The following MYO7B variants were observed in gnomAD, a reference collection of about 807,000 sequenced individuals.
The protein encoded by MYO7B is unconventional myosin-VIIb.
Under a neutral mutation model 259.7 loss-of-function variants are expected in MYO7B, and 212 were observed. That is an observed-to-expected ratio of 0.82 (90% CI 0.73 to 0.91). The LOEUF is 0.91. Among genes scored for constraint, MYO7B ranks in the 40% least tolerant of loss-of-function variants. MYO7B has a pLI of 0.00. For missense variants in MYO7B, 2,732 were observed against 2,813.5 expected, an observed-to-expected ratio of 0.97 and a Z score of 0.66; for synonymous variants, 1,197 against 1,166.4, an observed-to-expected ratio of 1.03 and a Z score of -0.54.
In MYO7B at chr2:127,627,444, G is replaced by A. The variant is rs767721605; in HGVS notation, c.4460+134G>A. The A allele has an allele frequency of 2.7e-5, 33 of 1,218,550 alleles. 1 individual carries two copies. The highest frequency in any genetic ancestry group is 2.0e-4 in the South Asian group (15 of 74,904). 75.5% of individuals were successfully genotyped at this position (1,218,550 alleles called of 1,614,324 possible). A position where few individuals can be genotyped will look rare whatever the true frequency, so the allele number is the denominator to read the frequency against. ...CCGGGGTGGAGGGACAAGAATCTAC[G>A]TATGCGATGGCTTCTGTACTTCGGA... On this transcript the variant is annotated intron_variant, in intron 33 of 47. Transcript: ENST00000409816. This position sits in a 1 kb window ranked among gnomAD's most constrained non-coding sequence, Gnocchi z 5.6.
At chr2:127,617,383 C>T (rs1405403626) in intron 26 of MYO7B, among the ~76,000 whole-genome samples, 1 of 151,916 alleles carries the variant, frequency 6.6e-6, no homozygotes, top group Non-Finnish European at 1.5e-5. Context: ...AATTCTTCCC[C>T]ATGTTACCCT....
rs751565033 is a variant in MYO7B at position 127,565,473 on chromosome 2, C to A, written c.285+88C>A. ...GGAGAAGAAAATGATGCACAGGGGG[C>A]ACTGCCCCCCATGCCCTCACTGAGG... On this transcript the variant is annotated intron_variant, in intron 4 of 47. Transcript: ENST00000409816. 1.4e-5 allele frequency: 21 copies of A among 1,523,592 alleles called. 1 individual carries two copies. Among genetic ancestry groups the A allele is most frequent in the Non-Finnish European group, 1.8e-5 (20 of 1,118,276 alleles). 94.4% of individuals were successfully genotyped at this position (1,523,592 alleles called of 1,614,324 possible). A position where few individuals can be genotyped will look rare whatever the true frequency, so the allele number is the denominator to read the frequency against.
intron 1 of MYO7B, among the ~76,000 whole-genome samples, chr2:127,556,096 T>G (rs779942780): frequency 6.6e-6 from 1 of 152,252 alleles, no homozygotes; most frequent in Non-Finnish European, 1.5e-5. Flanking sequence ...GGTGCATGTA[T>G]ATTTAGGATT....
intron 4 of MYO7B, 72 bp from the exon 5 acceptor site, chr2:127,566,565 AGCCAAG>A (rs879596782): frequency 1.2e-5 from 16 of 1,390,952 alleles, no homozygotes; most frequent in Admixed American, 2.7e-5. Flanking sequence ...GCAGAGCCAG[AGCCAAG>A]GCCAAGGCCA....
intron 18 of MYO7B, among the ~76,000 whole-genome samples, chr2:127,595,124 G>A (rs1265417911): frequency 2.0e-5 from 3 of 152,050 alleles, no homozygotes. Context: ...TCATTGGTAG[G>A]CTATTATTGC....
At chr2:127,561,111 G>A (rs2104850570) in intron 2 of MYO7B, among the ~76,000 whole-genome samples, 1 of 152,218 alleles carries the variant, frequency 6.6e-6, no homozygotes, top group East Asian at 1.9e-4. Context: ...ATTTCACAAA[G>A]GAATATGCCA....
chr2:127,568,044 G>A (rs949713039), intron 5 of MYO7B, among the ~76,000 whole-genome samples: 1 of 152,190 alleles, frequency 6.6e-6, no homozygotes, highest in Non-Finnish European at 1.5e-5. Flanking sequence ...TTATTCCCAT[G>A]ATATGGTCTC....
In MYO7B at chr2:127,620,414, T is replaced by C; in HGVS notation, c.3473T>C (p.Ile1158Thr). 6.4e-7 allele frequency: 1 copy of C among 1,565,178 alleles called. No homozygotes were observed. The highest frequency in any genetic ancestry group is 8.7e-7 in the Non-Finnish European group (1 of 1,149,760). ...ACAAGCAGCCTGGCCCGGGGCTGGA[T>C]CCTGCTCAGCCTCTGCCTCGGCTGC... is the stretch of plus-strand genomic sequence containing the variant. ...FKTSSLARGW[I>T]LLSLCLGCFP... The change falls in exon 27 of 48, where the codon ATC (isoleucine) becomes ACC (threonine). Residue 1158 changes from isoleucine to threonine, a missense_variant. Around this residue, in one of 3 missense-constraint regions of MYO7B, gnomAD observed 1,906 missense variants for 2,026.4 expected, o/e 0.94. Transcript: ENST00000409816.
chr2:127,634,254 G>A lies in MYO7B; in HGVS notation c.5590G>A (p.Glu1864Lys). ...CACCAGGCTGCAGCTGGCCTCCTGG[G>A]AGGGCTGCAGCCTCTTCATCAAGAT... ...IATRLQLASW[E>K]GCSLFIKISD... Residue 1864 changes from glutamate to lysine, a missense_variant, in exon 41 of 48, where the codon GAG becomes AAG. Physicochemically the swap from Glu to Lys is moderately conservative, Grantham distance 56. This residue lies in a region of MYO7B where 821 missense variants were observed against 769.3 expected (regional missense o/e 1.07). Transcript: ENST00000409816. 6.3e-7 allele frequency: 1 copy of A among 1,593,204 alleles called. No homozygotes were observed. The highest frequency in any genetic ancestry group is 2.2e-5 in the East Asian group (1 of 44,576).
chr2:127,583,543 G>A (rs1023220426), intron 12 of MYO7B, among the ~76,000 whole-genome samples: 4 of 152,236 alleles, frequency 2.6e-5, no homozygotes, highest in Admixed American at 1.3e-4. Context: ...GCAACTGATG[G>A]GAACTGGAGA....
intron 37 of MYO7B, 52 bp from the exon 38 acceptor site, chr2:127,631,546 CCA>C (rs1423156074): frequency 4.4e-6 from 7 of 1,592,798 alleles, no homozygotes; most frequent in Non-Finnish European, 5.1e-6. Context: ...GCGTCTATCC[CCA>C]GTCTGTGTCA....
chr2:127,622,375 G>A (rs79912355), intron 28 of MYO7B, among the ~76,000 whole-genome samples: 1,916 of 152,218 alleles, frequency 0.013, 45 homozygotes, highest in African/African-American at 0.044. Flanking sequence ...ATTACAGTGC[G>A]CCAGTTGCTT....
chr2:127,596,979 G>C (rs10187468), intron 19 of MYO7B, among the ~76,000 whole-genome samples: 3 of 152,230 alleles, frequency 2.0e-5, no homozygotes, highest in Non-Finnish European at 4.4e-5. Context: ...GATCAGCAGC[G>C]CTGCTGCCTT....
At chr2:127,596,660 C>T (rs1679781757) in intron 19 of MYO7B, 104 bp downstream of exon 19, 1 of 936,646 alleles carries the variant, frequency 1.1e-6, no homozygotes, top group Non-Finnish European at 1.7e-6. Context: ...GCTGGGCCCT[C>T]CCTGGGGTTA....
Position 127,624,237 on chromosome 2 carries a change from T to C in MYO7B, c.3964T>C (p.Ser1322Pro), listed in dbSNP as rs777978057. ...GGAATTCTTCACCCCCTGGCACGAC[T>C]CCCGGGAGGACCCTGTCAGCACCGA... ...RKEFFTPWHD[S>P]REDPVSTELI... The change falls in exon 30 of 48, where the codon TCC becomes CCC. Residue 1322 changes from serine to proline, a missense_variant. Around this residue, in one of 3 missense-constraint regions of MYO7B, gnomAD observed 1,906 missense variants for 2,026.4 expected, o/e 0.94. Transcript: ENST00000409816. The C allele has an allele frequency of 8.8e-6, 14 of 1,596,526 alleles. No individual in the cohort carries two copies.
At chr2:127,544,771 G>A (rs1324564218) in intron 1 of MYO7B, among the ~76,000 whole-genome samples, 3 of 151,864 alleles carry the variant, frequency 2.0e-5, no homozygotes, top group South Asian at 2.1e-4. Context: ...TAGTAGAGAC[G>A]GGGTTTCACC....
At chr2:127,564,392 G>A in intron 3 of MYO7B, 126 bp downstream of exon 3, 1 of 664,836 alleles carries the variant, frequency 1.5e-6, no homozygotes, top group East Asian at 3.0e-5. Flanking sequence ...GACCTGGGTG[G>A]CAGGACAGAT....
intron 6 of MYO7B, among the ~76,000 whole-genome samples, chr2:127,570,960 C>T (rs1043131088): frequency 1.3e-5 from 2 of 152,152 alleles, no homozygotes; most frequent in Non-Finnish European, 2.9e-5. Flanking sequence ...AATTCCATTG[C>T]GTGAAGGTAC....
At chr2:127,572,609 C>G (rs1039194552) in intron 6 of MYO7B, among the ~76,000 whole-genome samples, 7 of 150,220 alleles carry the variant, frequency 4.7e-5, no homozygotes, top group African/African-American at 1.2e-4. Context: ...CTCCTTCTCT[C>G]TTTGTTTGTT....
Sources: gnomAD v4.1 joint callset for allele counts (sites outside exome capture counted in the v4.1 genomes callset) on GRCh38, gnomAD v4.1.1 for gene constraint, gnomAD v4.1.1 regional missense constraint, Gnocchi (gnomAD v3.1) non-coding constraint, MANE v1.5 for transcripts, NCBI Gene and HGNC (gene_info 2026-07-23, HGNC 2026-07-21) for gene names.